The following NEBL variants were observed in gnomAD, a reference collection of about 807,000 sequenced individuals.
The protein encoded by NEBL is LIM and SH3 protein 2.
In NEBL, 122 loss-of-function variants were observed where a neutral mutation model predicts 140.2. The ratio of observed to expected loss-of-function variants is 0.87; its 90% CI spans 0.75 to 1.01. NEBL has a LOEUF of 1.01. Among genes scored for constraint, NEBL ranks in the 50% least tolerant of loss-of-function variants. The pLI, the probability that NEBL is intolerant of heterozygous loss-of-function variation, is 0.00. For synonymous variants in NEBL, 436 were observed against 398.9 expected, an observed-to-expected ratio of 1.09 and a Z score of -1.11; for missense variants, 1,365 against 1,231.3, an observed-to-expected ratio of 1.11 and a Z score of -1.62.
intron 5 of NEBL, among the ~76,000 whole-genome samples, chr10:20,877,299 A>G (rs1250396396): frequency 6.6e-6 from 1 of 152,208 alleles, no homozygotes; most frequent in African/African-American, 2.4e-5. Flanking sequence ...TAGAGACATT[A>G]AGTAACTCAT....
At chr10:21,193,708 A>G (rs1841610086) in intron 3 of NEBL, among the ~76,000 whole-genome samples, 1 of 152,216 alleles carries the variant, frequency 6.6e-6, no homozygotes, top group East Asian at 1.9e-4. Context: ...TTACTCAAGC[A>G]CAGTACCATA....
At position 20,785,641 on chromosome 10, in the gene NEBL, A is replaced by G; in HGVS notation, c.*106T>C. 7.7e-7 allele frequency: 1 copy of G among 1,292,502 alleles called. No homozygotes were observed. Among genetic ancestry groups the G allele is most frequent in the Non-Finnish European group, 1.1e-6 (1 of 916,634 alleles). 80.1% of individuals were successfully genotyped at this position (1,292,502 alleles called of 1,614,324 possible). On this transcript the variant is annotated 3_prime_UTR_variant, in exon 28 of 28. Transcript: ENST00000377122. Reference sequence around the variant, plus strand: ...TGTCTAATTGTCAAAGGAAGGATACATCATTGTAAAATAATGGCCAAGTTG... The same window carrying G: ...TGTCTAATTGTCAAAGGAAGGATACGTCATTGTAAAATAATGGCCAAGTTG...
At position 20,983,979 on chromosome 10, in the gene NEBL, T is replaced by G. The variant is rs1837154065; in HGVS notation, c.250-22200A>C. Among the ~76,000 whole-genome samples, 4 of 152,272 alleles carry G rather than the reference T, an allele frequency of 2.6e-5. No individual in the cohort carries two copies. In the South Asian group the frequency reaches 8.3e-4, roughly 32 times the overall value. On this transcript the variant is annotated intron_variant, in intron 3 of 6. Coordinates refer to the NEBL transcript ENST00000417816. Reference sequence around the variant, plus strand: ...GACCCTAATATATCTATTTTGCAAATCTATGTAGTTTTTCAAAAGGTAAAA... The same window carrying G: ...GACCCTAATATATCTATTTTGCAAAGCTATGTAGTTTTTCAAAAGGTAAAA...
chr10:21,172,125 T>A (rs906866286), intron 2 of NEBL: 7 of 483,174 alleles, frequency 1.4e-5, no homozygotes, highest in Middle Eastern at 5.8e-4. Flanking sequence ...CTAATAAGTG[T>A]CCCTAAGGCT....
chr10:20,890,529 C>A (rs1311171527), intron 2 of NEBL, among the ~76,000 whole-genome samples: 1 of 152,204 alleles, frequency 6.6e-6, no homozygotes. Context: ...CACCCATAGG[C>A]TTCCCAATCC....
In NEBL at chr10:21,094,885, G is replaced by A. The variant is rs117070825; in HGVS notation, c.165-74684C>T. 3.4e-3 allele frequency among the ~76,000 whole-genome samples: 514 copies of A among 152,210 alleles called. 6 individuals carry two copies. The highest frequency in any genetic ancestry group is 0.011 in the African/African-American group (462 of 41,520). On this transcript the variant is annotated intron_variant, in intron 2 of 6. Coordinates refer to the NEBL transcript ENST00000417816. ...TCGTAGGAGAGACTAGAACCCTCTC[G>A]TCATAGTTTCCCAGGTGATGGTGAA... is the stretch of plus-strand genomic sequence containing the variant.
intron 2 of NEBL, among the ~76,000 whole-genome samples, chr10:21,153,492 G>T (rs1840221170): frequency 6.6e-6 from 1 of 151,166 alleles, no homozygotes; most frequent in South Asian, 2.1e-4. Flanking sequence ...ACTACACCTG[G>T]CTAATTTTTT....
intron 1 of NEBL, among the ~76,000 whole-genome samples, chr10:21,272,155 C>CG (rs1303825882): frequency 9.8e-6 from 1 of 101,612 alleles, no homozygotes; most frequent in African/African-American, 4.6e-5. Flanking sequence ...TTAGTAGAGA[C>CG]GGGGTTTCAC....
intron 2 of NEBL, among the ~76,000 whole-genome samples, chr10:21,071,073 A>G (rs1835797287): frequency 6.6e-6 from 1 of 151,756 alleles, no homozygotes; most frequent in Non-Finnish European, 1.5e-5. Flanking sequence ...TTAGGAGGCT[A>G]AGTCAGGAGG....
chr10:21,287,364 C>T (rs1843070480), intron 1 of NEBL, among the ~76,000 whole-genome samples: 7 of 152,046 alleles, frequency 4.6e-5, no homozygotes, highest in Admixed American at 2.0e-4. Flanking sequence ...GGTAAAACCC[C>T]ATCTCTCCCA....
At chr10:21,062,567 G>A (rs567964404) in intron 2 of NEBL, among the ~76,000 whole-genome samples, 1 of 152,040 alleles carries the variant, frequency 6.6e-6, no homozygotes, top group South Asian at 2.1e-4. Flanking sequence ...TGCACCTGTG[G>A]TCCCAGCTAC....
In NEBL at chr10:20,816,205, T is replaced by C. The variant is rs150468221; in HGVS notation, c.2149-488A>G. Reference sequence around the variant, plus strand: ...ATTTCATCCCATAAGAGAGTACATGTGTCCAAATCACTGTGGATGTACTCG... The same window carrying C: ...ATTTCATCCCATAAGAGAGTACATGCGTCCAAATCACTGTGGATGTACTCG... On this transcript the variant is annotated intron_variant, in intron 21 of 27. Coordinates refer to ENST00000377122, the MANE Select transcript of NEBL (RefSeq NM_006393.3). Among the ~76,000 whole-genome samples, 162 of 152,352 alleles carry C rather than the reference T, an allele frequency of 1.1e-3. 2 individuals are homozygous for C. The Middle Eastern group carries it at 0.017, about 16-fold the overall frequency.
At chr10:21,264,665 A>T (rs1842777719) in intron 1 of NEBL, among the ~76,000 whole-genome samples, 1 of 136,326 alleles carries the variant, frequency 7.3e-6, no homozygotes, top group African/African-American at 2.7e-5. Context: ...TCTGGAAAGC[A>T]TTGGTCCCTT....
At chr10:21,246,520 C>T (rs189813597) in intron 3 of NEBL, among the ~76,000 whole-genome samples, 19 of 152,156 alleles carry the variant, frequency 1.2e-4, no homozygotes, top group South Asian at 1.0e-3. Flanking sequence ...CAATGGCTCA[C>T]GCCTGTAATC....
chr10:21,059,893 G>A (rs565336391), intron 2 of NEBL, among the ~76,000 whole-genome samples: 1 of 152,216 alleles, frequency 6.6e-6, no homozygotes, highest in Admixed American at 6.5e-5. Context: ...TCCAAACTGG[G>A]GATCCTTCTT....
intron 2 of NEBL, among the ~76,000 whole-genome samples, chr10:21,085,189 A>G (rs1836567717): frequency 6.6e-6 from 1 of 152,242 alleles, no homozygotes. Flanking sequence ...GCTCCATCAC[A>G]TGCTAATCTT....
chr10:21,158,270 G>A (rs1362236453), intron 2 of NEBL, among the ~76,000 whole-genome samples: 1 of 151,992 alleles, frequency 6.6e-6, no homozygotes, highest in Non-Finnish European at 1.5e-5. Context: ...CTAAAACTTG[G>A]GATGTTTTCT....
chr10:21,284,229 A>C (rs1448812106), intron 1 of NEBL, among the ~76,000 whole-genome samples: 9 of 123,544 alleles, frequency 7.3e-5, no homozygotes, highest in Non-Finnish European at 6.8e-5. Flanking sequence ...AAAAAAAAAA[A>C]AAAACGAAAA....
At chr10:21,088,885 G>T (rs184358132) in intron 2 of NEBL, among the ~76,000 whole-genome samples, 30 of 152,286 alleles carry the variant, frequency 2.0e-4, no homozygotes, top group Non-Finnish European at 2.1e-4. Flanking sequence ...AAGAGCTGGA[G>T]ACTTTCTGGA....
Sources: gnomAD v4.1 joint callset for allele counts (sites outside exome capture counted in the v4.1 genomes callset) on GRCh38, gnomAD v4.1.1 for gene constraint, MANE v1.5 for transcripts, NCBI Gene and HGNC (gene_info 2026-07-23, HGNC 2026-07-21) for gene names.